Variants in COL6A3 observed in about 807,000 individuals in gnomAD.
The protein encoded by COL6A3 is collagen type VI alpha 3 chain.
In COL6A3, 137 loss-of-function variants were observed where a neutral mutation model predicts 274.1. That is an observed-to-expected ratio of 0.50 (90% CI 0.44 to 0.58). The LOEUF is 0.58. COL6A3 is among the 20% of genes least tolerant of loss of function. The pLI, the probability that COL6A3 is intolerant of heterozygous loss-of-function variation, is 0.00. For missense variants in COL6A3, 3,950 were observed against 4,124.9 expected, an observed-to-expected ratio of 0.96 and a Z score of 1.16; for synonymous variants, 1,650 against 1,650.6, an observed-to-expected ratio of 1.00 and a Z score of 0.01.
chr2:237,412,201 T>G (rs575742616), intron 1 of COL6A3, among the ~76,000 whole-genome samples: 1 of 152,280 alleles, frequency 6.6e-6, no homozygotes, highest in East Asian at 1.9e-4. Flanking sequence ...ACAAGCCCAC[T>G]TCAGAAAGAA....
intron 1 of COL6A3, among the ~76,000 whole-genome samples, chr2:237,412,056 G>A (rs932256099): frequency 2.0e-5 from 3 of 152,220 alleles, no homozygotes. Flanking sequence ...TCTCGACCAT[G>A]AGTGAGGAAA....
intron 1 of COL6A3, among the ~76,000 whole-genome samples, chr2:237,397,449 GAGAA>G (rs1455377297): frequency 3.9e-4 from 53 of 135,276 alleles, no homozygotes; most frequent in Non-Finnish European, 4.8e-4. Flanking sequence ...GAAAGAAAGA[GAGAA>G]AGAAAGAGAG....
Position 237,371,170 on chromosome 2 carries a change from C to T in COL6A3, c.4285+562G>A, listed in dbSNP as rs1170206876. Among the ~76,000 whole-genome samples the T allele has an allele frequency of 6.6e-6, 1 of 152,236 alleles. No homozygotes were observed. The highest frequency in any genetic ancestry group is 1.5e-5 in the Non-Finnish European group (1 of 68,036). On this transcript the variant is annotated intron_variant, in intron 9 of 43. Transcript: ENST00000295550. This position sits in a 1 kb window ranked among gnomAD's most constrained non-coding sequence, Gnocchi z 4.3. ...TGCCACTAGCTCAAGTCCCCCCAGT[C>T]CTTCCGGCCACCCTCCTATGGAGAT...
chr2:237,376,746 G>T, intron 7 of COL6A3, 26 bp downstream of exon 7: 1 of 1,609,362 alleles, frequency 6.2e-7, no homozygotes, highest in South Asian at 1.1e-5. Flanking sequence ...CTGAGTGGCA[G>T]AGCAACTAGC....
At position 237,413,389 on chromosome 2, in the gene COL6A3, G is replaced by T. The variant is rs78202506; in HGVS notation, c.-31+564C>A. ...CAATGACTGAGCGACCCTTTACTTG[G>T]CCCTGATCCTGAGCACCAGAGTTAC... On this transcript the variant is annotated intron_variant, in intron 1 of 43. Coordinates refer to ENST00000295550, the MANE Select transcript of COL6A3 (RefSeq NM_004369.4). The surrounding 1 kb of genome is among the most constrained non-coding windows in gnomAD (Gnocchi z 4.0). Among the ~76,000 whole-genome samples, 4,406 of 152,290 alleles carry T rather than the reference G, an allele frequency of 0.029. 104 individuals carry two copies. Among genetic ancestry groups the T allele is most frequent in the African/African-American group, 0.058 (2,420 of 41,552 alleles).
chr2:237,327,075 A>G (rs569591895), intron 42 of COL6A3: 1 of 152,362 alleles, frequency 6.6e-6, no homozygotes, highest in East Asian at 1.9e-4. Context: ...AAGACAATTT[A>G]CAAAAACAAC....
At chr2:237,367,597 C>G (rs571830969) in intron 10 of COL6A3, among the ~76,000 whole-genome samples, 31 of 152,290 alleles carry the variant, frequency 2.0e-4, no homozygotes, top group Middle Eastern at 3.4e-3. Flanking sequence ...GGCATTGTGA[C>G]AAGAATTCAA....
At position 237,387,859 on chromosome 2, in the gene COL6A3, C is replaced by A. The variant is rs886044426; in HGVS notation, c.1035G>T (p.Gly345=). The stretch of plus-strand genomic sequence containing the variant: ...TTATGAGGACCAGCACCTGGGGAAC[C>A]CCTTCCTCCACGCGGCTGCCCCCTG... ...TRAGGSRVEE[G]VPQVLVLISA... Residue 345 remains glycine (G), a synonymous_variant, in exon 4 of 44, where the codon GGG becomes GGT. Transcript: ENST00000295550. The A allele has an allele frequency of 1.2e-6, 2 of 1,614,124 alleles. No individual in the cohort carries two copies. Among genetic ancestry groups the A allele is most frequent in the East Asian group, 2.2e-5 (1 of 44,880 alleles).
At chr2:237,357,953 C>T in intron 21 of COL6A3, 71 bp from the exon 22 acceptor site, 3 of 1,418,854 alleles carry the variant, frequency 2.1e-6, no homozygotes, top group Non-Finnish European at 3.0e-6. Flanking sequence ...ACTGGATGGT[C>T]AGGGAAATAT....
chr2:237,396,661 G>A, intron 2 of COL6A3, 66 bp downstream of exon 2: 2 of 1,496,408 alleles, frequency 1.3e-6, no homozygotes, highest in South Asian at 1.1e-5. Flanking sequence ...AGTGCCTGAT[G>A]TCTAAGATCT....
At chr2:237,400,466 T>G (rs767680610) in intron 1 of COL6A3, among the ~76,000 whole-genome samples, 5 of 150,576 alleles carry the variant, frequency 3.3e-5, no homozygotes, top group Admixed American at 1.3e-4. Flanking sequence ...CTGTAAGAAG[T>G]GAGGAAAATA....
Position 237,376,911 on chromosome 2 carries a change from G to A in COL6A3, c.2931C>T (p.Asn977=), listed in dbSNP as rs774059985. Residue 977 remains asparagine, a synonymous_variant, in exon 7 of 44, where the codon AAC becomes AAT. Coordinates refer to ENST00000295550, the MANE Select transcript of COL6A3 (RefSeq NM_004369.4). ...TCTGCTCTAACTCAGCAGGGTCTGCGTTCTTGGCTTGGAAGATGAAAGGCA... is the reference window on the plus strand; with the variant it reads ...TCTGCTCTAACTCAGCAGGGTCTGCATTCTTGGCTTGGAAGATGAAAGGCA... ...GVVPFIFQAK[N]ADPAELEQIV... 57 of 1,614,192 alleles carry A rather than the reference G, an allele frequency of 3.5e-5. No individual in the cohort carries two copies. In the Middle Eastern group the frequency reaches 4.9e-4, roughly 14 times the overall value.
In COL6A3 at chr2:237,340,436, G is replaced by A; in HGVS notation, c.8464+16C>T. ...AAAGCCAGGCCAGGGCACATGCTGTGCCACGCAGGACTTACTGCTGACGAA... is the reference window on the plus strand; with the variant it reads ...AAAGCCAGGCCAGGGCACATGCTGTACCACGCAGGACTTACTGCTGACGAA... On this transcript the variant is annotated intron_variant, in intron 38 of 43. Coordinates refer to ENST00000295550, the MANE Select transcript of COL6A3 (RefSeq NM_004369.4). 6.2e-7 allele frequency: 1 copy of A among 1,608,658 alleles called. No individual in the cohort carries two copies. Among genetic ancestry groups the A allele is most frequent in the Non-Finnish European group, 8.5e-7 (1 of 1,179,076 alleles).
intron 4 of COL6A3, among the ~76,000 whole-genome samples, chr2:237,384,450 C>T (rs2078092696): frequency 6.6e-6 from 1 of 152,102 alleles, no homozygotes; most frequent in Non-Finnish European, 1.5e-5. Context: ...CTCCATGCCT[C>T]ATCCCTGCAC....
At chr2:237,389,440 T>C (rs2106380779) in intron 3 of COL6A3, among the ~76,000 whole-genome samples, 1 of 152,346 alleles carries the variant, frequency 6.6e-6, no homozygotes, top group East Asian at 1.9e-4. Context: ...CATTTTTAAA[T>C]GATGGTAATA....
At position 237,344,655 on chromosome 2, in the gene COL6A3, T is replaced by C. The variant is rs757349865; in HGVS notation, c.7363A>G (p.Thr2455Ala). 1 of 1,613,750 alleles carries C rather than the reference T, an allele frequency of 6.2e-7. No individual in the cohort carries two copies. The highest frequency in any genetic ancestry group is 1.7e-5 in the Admixed American group (1 of 60,016). ...VAVVTYNNEV[T>A]TEIRFADSKR... ...GAGTCAGCAAACCGGATCTCCGTGG[T>C]CACCTCGTTGTTGTAGGTGACCACA... is the stretch of plus-strand genomic sequence containing the variant. Residue 2455 changes from threonine (T) to alanine (A), a missense_variant, in exon 36 of 44, where the codon ACC becomes GCC. Physicochemically the swap from Thr to Ala is moderately conservative, Grantham distance 58 (BLOSUM62 0). Transcript: ENST00000295550. This position sits in a 1 kb window ranked among gnomAD's most constrained non-coding sequence, Gnocchi z 4.8.
At chr2:237,403,404 C>T (rs1402176263) in intron 1 of COL6A3, among the ~76,000 whole-genome samples, 1 of 152,072 alleles carries the variant, frequency 6.6e-6, no homozygotes, top group East Asian at 1.9e-4. Flanking sequence ...ACAAATGTAC[C>T]CTGTGATTCA....
intron 43 of COL6A3, 84 bp from the exon 44 acceptor site, chr2:237,324,898 C>T (rs1699857783): frequency 6.4e-6 from 9 of 1,395,722 alleles, no homozygotes. Context: ...CCCAAAAGGG[C>T]ACTGTCATTA....
chr2:237,342,040 T>A (rs1471052795), intron 37 of COL6A3, 25 bp downstream of exon 37: 5 of 1,598,394 alleles, frequency 3.1e-6, no homozygotes, highest in African/African-American at 1.3e-5. Context: ...GCTGAGCAGA[T>A]CTTCCTGTTA....
Sources: gnomAD v4.1 joint callset for allele counts (sites outside exome capture counted in the v4.1 genomes callset) on GRCh38, gnomAD v4.1.1 for gene constraint, Gnocchi (gnomAD v3.1) non-coding constraint, MANE v1.5 for transcripts, NCBI Gene and HGNC (gene_info 2026-07-23, HGNC 2026-07-21) for gene names.